DPPA4: variants seen among roughly 807,000 people sequenced by gnomAD.
DPPA4 encodes developmental pluripotency-associated protein 4.
DPPA4 carries 22 observed loss-of-function variants against 33.7 expected under a neutral mutation model. The observed-to-expected ratio is 0.65, with a 90% CI of 0.47 to 0.93. The LOEUF is 0.93. Among genes scored for constraint, DPPA4 ranks in the 40% least tolerant of loss-of-function variants. The probability of loss-of-function intolerance (pLI) is 0.00; values close to 1 mark genes in which losing one functional copy is unlikely to be tolerated. For synonymous variants in DPPA4, 156 were observed against 132.3 expected (o/e 1.18, Z -1.23); for missense variants, 340 against 358.6 (o/e 0.95, Z 0.42).
intron 4 of DPPA4, among the ~76,000 whole-genome samples, chr3:109,331,351 C>G (rs1177859162): frequency 6.9e-6 from 1 of 145,950 alleles, no homozygotes; most frequent in Non-Finnish European, 1.5e-5. Context: ...TGGCCAGGCA[C>G]AGTGGTTCAC....
At position 109,337,500 on chromosome 3, in the gene DPPA4, A is replaced by C. The variant is rs371845918; in HGVS notation, c.18T>G (p.Ala6=). The C allele has an allele frequency of 6.8e-6, 11 of 1,614,162 alleles. No individual in the cohort carries two copies. In the African/African-American group the frequency reaches 1.2e-4, roughly 18 times the overall value. ...TTGCCTTCTCCATACTTGTAGAAGA[A>C]GCGGAGCCTCGCAACATGCTTCCAA... is the stretch of plus-strand genomic sequence containing the variant. MLRGS[A]SSTSMEKAKG... is the part of the protein sequence containing the mutation. Residue 6 remains alanine (A), a synonymous_variant, in exon 1 of 7, where the codon GCT becomes GCG. Coordinates refer to ENST00000335658, the MANE Select transcript of DPPA4 (RefSeq NM_018189.4).
At chr3:109,331,416 C>T (rs1157836606) in intron 4 of DPPA4, among the ~76,000 whole-genome samples, 4 of 150,458 alleles carry the variant, frequency 2.7e-5, no homozygotes, top group Admixed American at 2.0e-4. Flanking sequence ...CTGAGGCAGG[C>T]GCCTGTAATC....
At chr3:109,335,754 T>C (rs909877054) in intron 1 of DPPA4, among the ~76,000 whole-genome samples, 7 of 152,116 alleles carry the variant, frequency 4.6e-5, no homozygotes, top group Admixed American at 3.3e-4. Context: ...TTCATTCATT[T>C]AATTCTCATA....
chr3:109,330,345 A>C (rs1708039584), intron 5 of DPPA4, 179 bp downstream of exon 5: 3 of 548,112 alleles, frequency 5.5e-6, no homozygotes, highest in Non-Finnish European at 9.6e-6. Flanking sequence ...AAAAAAAAAA[A>C]GAAATGCAAA....
At chr3:109,336,742 C>G (rs1012187857) in intron 1 of DPPA4, among the ~76,000 whole-genome samples, 1 of 152,032 alleles carries the variant, frequency 6.6e-6, no homozygotes, top group Non-Finnish European at 1.5e-5. Context: ...CCGGGAGCAG[C>G]GGCGGGCGCC....
Position 109,327,896 on chromosome 3 carries a change from G to A in DPPA4, c.*92C>T, listed in dbSNP as rs1322476534. On this transcript the variant is annotated 3_prime_UTR_variant, in exon 7 of 7. Transcript: ENST00000335658. ...GCATGGCCCATAAACAGGTGCAGAG[G>A]ACCAGAGTTCACCTGTCAGCAGCAC... 4.3e-6 allele frequency: 4 copies of A among 929,810 alleles called. No homozygotes were observed. In the East Asian group the frequency reaches 9.6e-5, roughly 22 times the overall value. The allele number at this position is 929,810 out of a possible 1,614,324, so 57.6% of individuals were successfully genotyped here. A position where few individuals can be genotyped will look rare whatever the true frequency, so the allele number is the denominator to read the frequency against.
chr3:109,326,565 T>C lies in DPPA4; in HGVS notation c.*1423A>G, dbSNP rs969788176. On this transcript the variant is annotated 3_prime_UTR_variant, in exon 7 of 7. Coordinates refer to ENST00000335658, the MANE Select transcript of DPPA4 (RefSeq NM_018189.4). The stretch of plus-strand genomic sequence containing the variant: ...TCCACTCCTTCCAGTGCATTATTTT[T>C]AGTATCTTCATTAAACGGGCAAAAA... 1 of 151,584 alleles carries C rather than the reference T, an allele frequency of 6.6e-6. No homozygotes were observed. Among genetic ancestry groups the C allele is most frequent in the Non-Finnish European group, 1.5e-5 (1 of 68,036 alleles). 9.4% of individuals were successfully genotyped at this position (151,584 alleles called of 1,614,324 possible). A position where few individuals can be genotyped will look rare whatever the true frequency, so the allele number is the denominator to read the frequency against.
chr3:109,335,151 T>A (rs11919830), intron 1 of DPPA4, among the ~76,000 whole-genome samples: 2,584 of 152,284 alleles, frequency 0.017, 72 homozygotes, highest in African/African-American at 0.059. Context: ...TTCATTTTTT[T>A]AAAAAATATT....
chr3:109,331,260 C>CAAAAAAAAAAAAAAAAAAA (rs10593582), intron 4 of DPPA4, among the ~76,000 whole-genome samples: 3 of 58,388 alleles, frequency 5.1e-5, no homozygotes, highest in African/African-American at 7.6e-5. Context: ...GACTCTGTCT[C>CAAAAAAAAAAAAAAAAAAA]AAAAAAAAAA....
At chr3:109,328,742 CTT>C (rs1707989126) in intron 6 of DPPA4, 146 bp downstream of exon 6, 2 of 751,508 alleles carry the variant, frequency 2.7e-6, no homozygotes, top group Non-Finnish European at 2.2e-6. Flanking sequence ...TGGGGATAAA[CTT>C]AACTGAGTAA....
intron 6 of DPPA4, among the ~76,000 whole-genome samples, chr3:109,328,552 C>A (rs569754647): frequency 7.2e-5 from 11 of 152,274 alleles, no homozygotes; most frequent in Middle Eastern, 3.4e-3. Flanking sequence ...TAGGTGTTTA[C>A]ATGCCCACCA....
intron 4 of DPPA4, among the ~76,000 whole-genome samples, chr3:109,331,465 A>G (rs907888357): frequency 1.4e-5 from 2 of 145,596 alleles, no homozygotes; most frequent in African/African-American, 5.1e-5. Flanking sequence ...AATTGCTTGA[A>G]CCCGGGAAGT....
rs1576835394 is a variant in DPPA4, at chr3:109,330,648, G to A, written c.555C>T (p.Leu185=). ...CCACAACTGTATTAACTCCCTCAAGGAGAGCAGTGGAATTTTCCAGGGCAG... is the reference window on the plus strand; with the variant it reads ...CCACAACTGTATTAACTCCCTCAAGAAGAGCAGTGGAATTTTCCAGGGCAG... The part of the protein sequence containing the change: ...EPPALENSTA[L]LEGVNTVVVT... Residue 185 remains leucine, a synonymous_variant, in exon 5 of 7, where the codon CTC becomes CTT. Transcript: ENST00000335658. The A allele has an allele frequency of 6.2e-7, 1 of 1,614,178 alleles. No homozygotes were observed. The highest frequency in any genetic ancestry group is 2.2e-5 in the East Asian group (1 of 44,860).
At chr3:109,329,282 T>A in intron 5 of DPPA4, 194 bp from the exon 6 acceptor site, 1 of 576,566 alleles carries the variant, frequency 1.7e-6, no homozygotes, top group Non-Finnish European at 3.1e-6. Flanking sequence ...ACGCTTGTAA[T>A]CCCAGCACTT....
chr3:109,330,406 G>T, intron 5 of DPPA4, 118 bp downstream of exon 5: 1 of 1,126,742 alleles, frequency 8.9e-7, no homozygotes, highest in Non-Finnish European at 1.3e-6. Flanking sequence ...TGTGGGCAGG[G>T]TCCAGGAATC....
chr3:109,330,314 AAAAAAAAAAAAAAAAAAGG>A (rs1708036395), intron 5 of DPPA4, 191 bp downstream of exon 5: 1 of 30,668 alleles, frequency 3.3e-5, no homozygotes, highest in Non-Finnish European at 5.6e-5. Context: ...AAAAAAAAAA[AAAAAAAAAAAAAAAAAAGG>A]AAAAAAAAAA....
chr3:109,330,387 C>A, intron 5 of DPPA4, 137 bp downstream of exon 5: 1 of 944,480 alleles, frequency 1.1e-6, no homozygotes, highest in East Asian at 2.5e-5. Context: ...AGACCTGCAC[C>A]AGAAACTCTG....
rs377132426 is a variant in DPPA4, at chr3:109,326,560, A to G, written c.*1428T>C. 2.0e-5 allele frequency: 3 copies of G among 151,774 alleles called. No individual in the cohort carries two copies. The highest frequency in any genetic ancestry group is 4.9e-5 in the African/African-American group (2 of 41,178). The allele number at this position is 151,774 out of a possible 1,614,324, so 9.4% of individuals were successfully genotyped here. A position where few individuals can be genotyped will look rare whatever the true frequency, so the allele number is the denominator to read the frequency against. On this transcript the variant is annotated 3_prime_UTR_variant, in exon 7 of 7. Coordinates refer to ENST00000335658, the MANE Select transcript of DPPA4 (RefSeq NM_018189.4). ...ACTCTTCCACTCCTTCCAGTGCATT[A>G]TTTTTAGTATCTTCATTAAACGGGC...
intron 2 of DPPA4, among the ~76,000 whole-genome samples, chr3:109,332,601 C>G (rs1038155328): frequency 2.0e-5 from 3 of 152,144 alleles, no homozygotes; most frequent in Non-Finnish European, 4.4e-5. Flanking sequence ...GACTTGAGAT[C>G]ATACTCAGTG....
Sources: allele counts gnomAD v4.1 joint callset (sites outside exome capture counted in the v4.1 genomes callset), GRCh38; gene constraint gnomAD v4.1.1; transcripts MANE v1.5; gene names NCBI Gene and HGNC (gene_info 2026-07-23, HGNC 2026-07-21).